MALRD1: variants seen among roughly 807,000 people sequenced by gnomAD.
MALRD1 encodes the protein MAM and LDL-receptor class A domain-containing protein 1.
In MALRD1, 247 loss-of-function variants were observed where a neutral mutation model predicts 242.1. That is an observed-to-expected ratio of 1.02 (90% CI 0.92 to 1.13). MALRD1 has a LOEUF of 1.13. Ranked by LOEUF, MALRD1 falls within the 50% of genes most tolerant of loss-of-function variation. MALRD1 has a pLI of 0.00. For missense variants in MALRD1, 2,989 were observed against 2,533.1 expected (o/e 1.18, Z -3.86); for synonymous variants, 995 against 866.6 (o/e 1.15, Z -2.60).
chr10:19,647,225 A>G (rs1047713760), intron 36 of MALRD1, among the ~76,000 whole-genome samples: 1 of 152,158 alleles, frequency 6.6e-6, no homozygotes, highest in African/African-American at 2.4e-5. Flanking sequence ...TGTACGCCCT[A>G]TTTTATCTGC....
At chr10:19,294,512 A>G (rs1190207561) in intron 21 of MALRD1, among the ~76,000 whole-genome samples, 1 of 152,210 alleles carries the variant, frequency 6.6e-6, no homozygotes, top group Non-Finnish European at 1.5e-5. Flanking sequence ...TATCCTTAAC[A>G]TTAGTCATAT....
intron 18 of MALRD1, among the ~76,000 whole-genome samples, chr10:19,222,841 T>A (rs540962506): frequency 1.3e-5 from 2 of 152,334 alleles, no homozygotes; most frequent in African/African-American, 4.8e-5. Context: ...TTATCTTCAG[T>A]GGAAAATCAA....
intron 26 of MALRD1, among the ~76,000 whole-genome samples, chr10:19,358,513 T>G (rs1844745118): frequency 6.6e-6 from 1 of 152,114 alleles, no homozygotes; most frequent in South Asian, 2.1e-4. Context: ...CATATGCTGT[T>G]TAGTGCAAAG....
chr10:19,286,649 A>G (rs1431251446), intron 21 of MALRD1, among the ~76,000 whole-genome samples: 1 of 151,890 alleles, frequency 6.6e-6, no homozygotes, highest in Non-Finnish European at 1.5e-5. Context: ...ATAGACCAAT[A>G]ACAGGAGCTG....
chr10:19,331,248 C>T, intron 23 of MALRD1, 121 bp from the exon 24 acceptor site: 1 of 917,468 alleles, frequency 1.1e-6, no homozygotes, highest in South Asian at 1.7e-5. Context: ...AAAACAAAAA[C>T]AAAAACAAAA....
intron 33 of MALRD1, among the ~76,000 whole-genome samples, chr10:19,594,659 A>G (rs777362551): frequency 6.6e-6 from 1 of 152,234 alleles, no homozygotes; most frequent in Non-Finnish European, 1.5e-5. Context: ...AGCCATAAAA[A>G]GGAATGAAAA....
intron 1 of MALRD1, among the ~76,000 whole-genome samples, chr10:19,066,291 T>A (rs1260157989): frequency 6.6e-6 from 1 of 152,174 alleles, no homozygotes; most frequent in Non-Finnish European, 1.5e-5. Flanking sequence ...GAGGAATCCA[T>A]AGATGCAGAG....
At chr10:19,061,710 T>C (rs1834827474) in intron 1 of MALRD1, among the ~76,000 whole-genome samples, 1 of 151,976 alleles carries the variant, frequency 6.6e-6, no homozygotes, top group East Asian at 1.9e-4. Context: ...TCAACAAAGG[T>C]GGTGGGAAAA....
At chr10:19,384,107 C>T (rs1373429391) in intron 26 of MALRD1, among the ~76,000 whole-genome samples, 1 of 150,900 alleles carries the variant, frequency 6.6e-6, no homozygotes, top group Non-Finnish European at 1.5e-5. Context: ...CATTTGCATT[C>T]CTCTGATGAT....
At chr10:19,338,263 C>T (rs911926654) in intron 24 of MALRD1, among the ~76,000 whole-genome samples, 4 of 152,016 alleles carry the variant, frequency 2.6e-5, no homozygotes, top group Non-Finnish European at 4.4e-5. Context: ...TAACATGTAT[C>T]GACTACCATA....
At chr10:19,164,181 C>G (rs1035724979) in intron 12 of MALRD1, among the ~76,000 whole-genome samples, 1 of 134,868 alleles carries the variant, frequency 7.4e-6, no homozygotes, top group African/African-American at 2.5e-5. Flanking sequence ...ATGAAATAAA[C>G]AATCAGAATT....
intron 2 of MALRD1, among the ~76,000 whole-genome samples, chr10:19,071,001 G>C (rs1043536529): frequency 1.3e-5 from 2 of 151,680 alleles, no homozygotes; most frequent in African/African-American, 2.4e-5. Flanking sequence ...ACAGGCATGT[G>C]CCACCACTCC....
intron 26 of MALRD1, among the ~76,000 whole-genome samples, chr10:19,386,969 C>G (rs879395614): frequency 2.0e-5 from 3 of 152,038 alleles, no homozygotes; most frequent in Non-Finnish European, 4.4e-5. Context: ...TTCTAAAAGT[C>G]CAAATTATAG....
At chr10:19,295,434 T>C (rs1588870502) in intron 21 of MALRD1, among the ~76,000 whole-genome samples, 1 of 149,414 alleles carries the variant, frequency 6.7e-6, no homozygotes, top group South Asian at 2.1e-4. Flanking sequence ...AGTTCACCAT[T>C]TTTTATGCCT....
At chr10:19,279,598 A>G (rs1840706092) in intron 19 of MALRD1, among the ~76,000 whole-genome samples, 1 of 152,226 alleles carries the variant, frequency 6.6e-6, no homozygotes, top group Non-Finnish European at 1.5e-5. Flanking sequence ...TGAAACCTTG[A>G]ATTTTAAATA....
chr10:19,571,801 C>G (rs1210859857), intron 33 of MALRD1, among the ~76,000 whole-genome samples: 1 of 152,108 alleles, frequency 6.6e-6, no homozygotes, highest in African/African-American at 2.4e-5. Context: ...TTAGTTAACT[C>G]AGATGAGACA....
At chr10:19,556,809 A>G (rs1470977593) in intron 32 of MALRD1, among the ~76,000 whole-genome samples, 1 of 152,172 alleles carries the variant, frequency 6.6e-6, no homozygotes, top group Non-Finnish European at 1.5e-5. Flanking sequence ...TGGTAAGAGT[A>G]TGTTCAGTTT....
intron 7 of MALRD1, among the ~76,000 whole-genome samples, chr10:19,125,557 A>G (rs918256263): frequency 6.9e-6 from 1 of 144,452 alleles, no homozygotes; most frequent in South Asian, 2.3e-4. Context: ...CTTTTCTTGG[A>G]GGGGTGAGTA....
chr10:19,634,989 T>G (rs1840066427), intron 36 of MALRD1, among the ~76,000 whole-genome samples: 1 of 152,140 alleles, frequency 6.6e-6, no homozygotes, highest in South Asian at 2.1e-4. Context: ...AATTTTGCCT[T>G]GATCTGTAGC....
Sources: allele counts gnomAD v4.1 joint callset (sites outside exome capture counted in the v4.1 genomes callset), GRCh38; gene constraint gnomAD v4.1.1; transcripts MANE v1.5; gene names NCBI Gene and HGNC (gene_info 2026-07-23, HGNC 2026-07-21).